The following ZFTRAF1 variants were observed in gnomAD, a reference collection of about 807,000 sequenced individuals.
The protein encoded by ZFTRAF1 is zinc finger TRAF-type and ring finger containing 1.
chr8:144,450,639 G>A, the ZFTRAF1 span: 1 of 718,052 alleles, frequency 1.4e-6, no homozygotes, highest in Admixed American at 2.0e-5. Context: ...TTGCAGGACA[G>A]GTTGGGGTTA....
the ZFTRAF1 span, chr8:144,457,807 G>C: frequency 1.3e-5 from 2 of 152,230 alleles, no homozygotes; most frequent in African/African-American, 4.8e-5. Flanking sequence ...GGACTGCATG[G>C]TTCTCTCAGA....
chr8:144,451,032 C>T, the ZFTRAF1 span: 48 of 453,116 alleles, frequency 1.1e-4, no homozygotes, highest in Non-Finnish European at 1.8e-4. Context: ...AGGCCACACC[C>T]CAGGCGTGCC....
the ZFTRAF1 span, chr8:144,452,680 C>T: frequency 9.6e-7 from 1 of 1,044,306 alleles, no homozygotes; most frequent in Non-Finnish European, 1.4e-6. Flanking sequence ...CTGCAGGACA[C>T]ACGTAACTGT....
the ZFTRAF1 span, chr8:144,450,628 C>T: frequency 1.4e-6 from 1 of 718,056 alleles, no homozygotes. Context: ...AGAGCGTACG[C>T]TTGCAGGACA....
chr8:144,451,098 G>T, the ZFTRAF1 span: 10 of 307,102 alleles, frequency 3.3e-5, no homozygotes, highest in Non-Finnish European at 6.2e-5. Flanking sequence ...CCAGGGCGGG[G>T]TAAGCAGACA....
At chr8:144,450,996 T>G in the ZFTRAF1 span, 1 of 550,758 alleles carries the variant, frequency 1.8e-6, no homozygotes, top group Non-Finnish European at 3.3e-6. Flanking sequence ...ATGGATTAGC[T>G]GGAGAGTCCA....
the ZFTRAF1 span, chr8:144,453,679 G>A: frequency 1.1e-5 from 6 of 558,952 alleles, no homozygotes; most frequent in East Asian, 3.0e-5. Flanking sequence ...GAGATTAGAG[G>A]TCCTAAAAGC....
chr8:144,455,546 T>C, the ZFTRAF1 span: 90,308 of 132,790 alleles, frequency 0.68, 31,416 homozygotes, highest in South Asian at 0.82. Flanking sequence ...CACACCACTG[T>C]CCTCTCACAG....
chr8:144,452,557 T>C, the ZFTRAF1 span: 1 of 1,537,362 alleles, frequency 6.5e-7, no homozygotes, highest in Non-Finnish European at 8.7e-7. Context: ...CGTTTGTACT[T>C]GCACTGGGTT....
At chr8:144,452,665 C>G in the ZFTRAF1 span, 1 of 1,213,262 alleles carries the variant, frequency 8.2e-7, no homozygotes, top group Admixed American at 2.2e-5. Context: ...GCTAAGAACC[C>G]CTTCCTGCAG....
chr8:144,452,227 G>C, the ZFTRAF1 span: 4 of 1,030,526 alleles, frequency 3.9e-6, no homozygotes, highest in Non-Finnish European at 5.8e-6. Context: ...CTGTCCACCG[G>C]GAGCTTGTCC....
At chr8:144,453,245 G>A in the ZFTRAF1 span, 2 of 1,550,994 alleles carry the variant, frequency 1.3e-6, no homozygotes, top group Non-Finnish European at 1.7e-6. Context: ...CCTCTTTCTG[G>A]TGCCTCTCCA....
the ZFTRAF1 span, chr8:144,450,676 C>T: frequency 1.4e-6 from 1 of 717,844 alleles, no homozygotes; most frequent in Non-Finnish European, 2.6e-6. Context: ...CTCGAGCCTT[C>T]AGGACCCACG....
At chr8:144,461,250 G>A in the ZFTRAF1 span, among the ~76,000 whole-genome samples, 500 of 152,348 alleles carry the variant, frequency 3.3e-3, 3 homozygotes, top group Middle Eastern at 0.044. Context: ...CACAAGCAGG[G>A]AAACAAGGCC....
At chr8:144,460,839 G>A in the ZFTRAF1 span, among the ~76,000 whole-genome samples, 2 of 152,178 alleles carry the variant, frequency 1.3e-5, no homozygotes, top group East Asian at 1.9e-4. Flanking sequence ...AGCAGAGATC[G>A]TGGCACTTCA....
At chr8:144,461,736 T>C in the ZFTRAF1 span, among the ~76,000 whole-genome samples, 4 of 152,012 alleles carry the variant, frequency 2.6e-5, no homozygotes, top group Non-Finnish European at 2.9e-5. Flanking sequence ...CAGGATGAAC[T>C]GGAAATGGAC....
At chr8:144,461,198 C>T in the ZFTRAF1 span, among the ~76,000 whole-genome samples, 1 of 152,236 alleles carries the variant, frequency 6.6e-6, no homozygotes, top group Non-Finnish European at 1.5e-5. Context: ...CCCTACACCA[C>T]CTGCTACAAA....
chr8:144,452,356 C>T, the ZFTRAF1 span: 1 of 1,548,514 alleles, frequency 6.5e-7, no homozygotes, highest in Non-Finnish European at 8.7e-7. Context: ...CGGGGCGCCT[C>T]ACCTGTGTAG....
chr8:144,461,735 C>G, the ZFTRAF1 span, among the ~76,000 whole-genome samples: 140,785 of 152,246 alleles, frequency 0.92, 65,803 homozygotes, highest in Non-Finnish European at 1. Context: ...TCAGGATGAA[C>G]TGGAAATGGA....
Sources: allele counts gnomAD v4.1 joint callset (sites outside exome capture counted in the v4.1 genomes callset), GRCh38; gene constraint gnomAD v4.1.1; transcripts MANE v1.5; gene names NCBI Gene and HGNC (gene_info 2026-07-23, HGNC 2026-07-21).